Variants in EYS observed in about 807,000 individuals in gnomAD.
EYS encodes the protein protein eyes shut homolog.
Under a neutral mutation model 282.1 loss-of-function variants are expected in EYS, and 250 were observed. The observed-to-expected ratio is 0.89, with a 90% CI of 0.80 to 0.98. The LOEUF is 0.98. Among genes scored for constraint, EYS ranks in the 50% least tolerant of loss-of-function variants. The probability of loss-of-function intolerance (pLI) is 0.00; values close to 1 mark genes in which losing one functional copy is unlikely to be tolerated. For missense variants in EYS, 4,016 were observed against 3,709.0 expected (o/e 1.08, Z -2.15); for synonymous variants, 1,355 against 1,282.9 (o/e 1.06, Z -1.20).
intron 35 of EYS, among the ~76,000 whole-genome samples, chr6:63,909,900 T>C (rs1773874249): frequency 6.6e-6 from 1 of 152,170 alleles, no homozygotes; most frequent in South Asian, 2.1e-4. Flanking sequence ...TCAAGATAGA[T>C]GTCAATGTTG....
chr6:64,695,467 A>G (rs1370058201), intron 22 of EYS, among the ~76,000 whole-genome samples: 1 of 152,168 alleles, frequency 6.6e-6, no homozygotes, highest in African/African-American at 2.4e-5. Context: ...TTGCTATTAC[A>G]ACTGGCATTT....
chr6:65,124,593 A>G (rs1035488270), intron 12 of EYS, among the ~76,000 whole-genome samples: 10 of 151,954 alleles, frequency 6.6e-5, no homozygotes, highest in African/African-American at 2.4e-4. Flanking sequence ...ATCAATCTGC[A>G]TTAAATCATA....
chr6:65,107,152 C>T (rs971822036), intron 12 of EYS, among the ~76,000 whole-genome samples: 1 of 152,006 alleles, frequency 6.6e-6, no homozygotes, highest in Non-Finnish European at 1.5e-5. Flanking sequence ...AGACTATTCA[C>T]TTTCCCCGAT....
chr6:64,107,510 C>A (rs536845476), intron 31 of EYS, among the ~76,000 whole-genome samples: 68 of 151,634 alleles, frequency 4.5e-4, no homozygotes, highest in African/African-American at 1.5e-3. Flanking sequence ...TCACATTTTT[C>A]TGCCTACCTT....
At chr6:65,217,075 G>C (rs1217462176) in intron 12 of EYS, among the ~76,000 whole-genome samples, 2 of 152,084 alleles carry the variant, frequency 1.3e-5, no homozygotes, top group Non-Finnish European at 1.5e-5. Flanking sequence ...GCAAGACCAG[G>C]TGAATGAGGC....
At chr6:65,703,296 T>C (rs1188172506) in intron 1 of EYS, among the ~76,000 whole-genome samples, 1 of 152,140 alleles carries the variant, frequency 6.6e-6, no homozygotes, top group Non-Finnish European at 1.5e-5. Flanking sequence ...GGCAGATAGA[T>C]ACATAAACCA....
At chr6:65,593,641 A>G (rs1342839752) in intron 2 of EYS, among the ~76,000 whole-genome samples, 1 of 151,922 alleles carries the variant, frequency 6.6e-6, no homozygotes, top group Non-Finnish European at 1.5e-5. Flanking sequence ...AATAAAGTCT[A>G]TTCTTAAAAT....
chr6:64,727,748 C>G lies in EYS; in HGVS notation c.3443+85630G>C, dbSNP rs541317059. ...TCATAACACAATGTTTAGACAGTGA[C>G]CCAATCCTAGAACATAGTATGGACT... On this transcript the variant is annotated intron_variant, in intron 22 of 42. Coordinates refer to ENST00000503581, the MANE Select transcript of EYS (RefSeq NM_001142800.2). Among the ~76,000 whole-genome samples the G allele has an allele frequency of 6.6e-5, 10 of 152,264 alleles. No individual in the cohort carries two copies. The South Asian group carries it at 8.3e-4, about 13-fold the overall frequency.
At chr6:64,319,133 G>A (rs956004068) in intron 29 of EYS, among the ~76,000 whole-genome samples, 1 of 151,796 alleles carries the variant, frequency 6.6e-6, no homozygotes, top group Admixed American at 6.6e-5. Context: ...GCTGTCTACT[G>A]TAACTGATTT....
intron 12 of EYS, among the ~76,000 whole-genome samples, chr6:65,088,861 G>C (rs1774464507): frequency 6.6e-6 from 1 of 152,080 alleles, no homozygotes; most frequent in Non-Finnish European, 1.5e-5. Context: ...TCCTGACATG[G>C]TGCCCTGAGT....
chr6:63,762,973 C>T (rs943020669), intron 40 of EYS, among the ~76,000 whole-genome samples: 2 of 152,040 alleles, frequency 1.3e-5, no homozygotes, highest in East Asian at 1.9e-4. Flanking sequence ...CTCCTAACTT[C>T]AAGCCTAGTG....
At chr6:65,659,837 T>C (rs192297754) in intron 1 of EYS, among the ~76,000 whole-genome samples, 2 of 151,844 alleles carry the variant, frequency 1.3e-5, no homozygotes, top group Non-Finnish European at 3.0e-5. Context: ...TTTTCTTTCA[T>C]TTTTAGGTGG....
intron 5 of EYS, among the ~76,000 whole-genome samples, chr6:65,408,513 A>G (rs1442144981): frequency 6.6e-6 from 1 of 152,068 alleles, no homozygotes; most frequent in Non-Finnish European, 1.5e-5. Flanking sequence ...TGTTGGCCTA[A>G]TGTTGTTCAT....
intron 26 of EYS, among the ~76,000 whole-genome samples, chr6:64,575,174 T>C (rs1172887364): frequency 6.6e-6 from 1 of 152,196 alleles, no homozygotes; most frequent in East Asian, 1.9e-4. Flanking sequence ...TCATCTGATG[T>C]TTCCAAATTA....
chr6:65,226,314 A>G (rs1466366739), intron 12 of EYS, among the ~76,000 whole-genome samples: 1 of 152,140 alleles, frequency 6.6e-6, no homozygotes, highest in Non-Finnish European at 1.5e-5. Flanking sequence ...TCAATGAATA[A>G]ACTAACCAAG....
chr6:64,202,578 C>T (rs1358087572), intron 31 of EYS, among the ~76,000 whole-genome samples: 5 of 152,024 alleles, frequency 3.3e-5, no homozygotes, highest in South Asian at 4.1e-4. Context: ...AAAACAGTAT[C>T]GACAGAGTTT....
intron 12 of EYS, among the ~76,000 whole-genome samples, chr6:65,110,669 A>G (rs1232385920): frequency 6.6e-6 from 1 of 152,022 alleles, no homozygotes; most frequent in South Asian, 2.1e-4. Context: ...ATTAAAGTAC[A>G]TATTTTAAAA....
At chr6:64,282,943 C>T (rs774268579) in intron 30 of EYS, among the ~76,000 whole-genome samples, 4 of 152,140 alleles carry the variant, frequency 2.6e-5, no homozygotes, top group Non-Finnish European at 5.9e-5. Context: ...ATATATTTAA[C>T]ATATATATTA....
intron 7 of EYS, among the ~76,000 whole-genome samples, chr6:65,392,787 A>G (rs1365773854): frequency 1.1e-4 from 16 of 151,110 alleles, no homozygotes; most frequent in Non-Finnish European, 2.1e-4. Context: ...ATCTGGAACT[A>G]GAAATACCAT....
Sources: allele counts gnomAD v4.1 joint callset (sites outside exome capture counted in the v4.1 genomes callset), GRCh38; gene constraint gnomAD v4.1.1; transcripts MANE v1.5; gene names NCBI Gene and HGNC (gene_info 2026-07-23, HGNC 2026-07-21).